Variants in PRLHR observed in about 807,000 individuals in gnomAD.
PRLHR encodes prolactin-releasing peptide receptor.
PRLHR carries 10 observed loss-of-function variants against 9.3 expected under a neutral mutation model. That is an observed-to-expected ratio of 1.08 (90% CI 0.66 to 1.82). The LOEUF is 1.82. Ranked by LOEUF, PRLHR falls within the 40% of genes most tolerant of loss-of-function variation. PRLHR has a pLI of 0.00. For synonymous variants in PRLHR, 261 were observed against 249.3 expected (o/e 1.05, Z -0.44); for missense variants, 589 against 512.0 (o/e 1.15, Z -1.45).
rs1466084843 is a variant in PRLHR, at chr10:118,592,860, A to T, written c.*1272T>A. On this transcript the variant is annotated 3_prime_UTR_variant, in exon 2 of 2. Transcript: ENST00000239032. Reference sequence around the variant, plus strand: ...CTGGGAACACAGAGGCTGATCTGACAGCTGGATATTATGTATCATTTCCCA... The same window carrying T: ...CTGGGAACACAGAGGCTGATCTGACTGCTGGATATTATGTATCATTTCCCA... The T allele has an allele frequency of 6.6e-6, 1 of 152,232 alleles. No homozygotes were observed. Among genetic ancestry groups the T allele is most frequent in the Non-Finnish European group, 1.5e-5 (1 of 68,042 alleles). 9.4% of individuals were successfully genotyped at this position (152,232 alleles called of 1,614,324 possible).
At chr10:118,595,434 A>C (rs761450687) in intron 1 of PRLHR, 82 bp downstream of exon 1, 18 of 496,540 alleles carry the variant, frequency 3.6e-5, no homozygotes, top group Non-Finnish European at 5.5e-5. Flanking sequence ...GCACGGTTAG[A>C]ACATACGGTT....
In PRLHR at chr10:118,595,073, G is replaced by T. The variant is rs756891805; in HGVS notation, c.172C>A (p.Gln58Lys). The change falls in exon 2 of 2, where the codon CAG (glutamine) becomes AAG (lysine). Residue 58 changes from glutamine to lysine, a missense_variant. Gln to Lys is a moderately conservative substitution (Grantham distance 53). Coordinates refer to ENST00000239032, the MANE Select transcript of PRLHR (RefSeq NM_004248.3). Reference sequence around the variant, plus strand: ...AGCAGCACGATCAGCCCCTTCAGCTGATGCACCAGCTGCAGGCTCTGGAAG... The same window carrying T: ...AGCAGCACGATCAGCCCCTTCAGCTTATGCACCAGCTGCAGGCTCTGGAAG... ...TPFQSLQLVH[Q>K]LKGLIVLLYS... The T allele has an allele frequency of 1.9e-6, 3 of 1,605,804 alleles. No individual in the cohort carries two copies. Among genetic ancestry groups the T allele is most frequent in the Non-Finnish European group, 2.6e-6 (3 of 1,174,676 alleles).
In PRLHR at chr10:118,593,493, G is replaced by A. The variant is rs1056973643; in HGVS notation, c.*639C>T. ...TGGGGAGGAAAGGGGAGAAACAATA[G>A]CAAGACCTTTCTAAAGGGAGCTTGT... On this transcript the variant is annotated 3_prime_UTR_variant, in exon 2 of 2. Transcript: ENST00000239032. The A allele has an allele frequency of 3.9e-5, 6 of 152,144 alleles. No individual in the cohort carries two copies. The highest frequency in any genetic ancestry group is 3.9e-4 in the Admixed American group (6 of 15,270). 9.4% of individuals were successfully genotyped at this position (152,144 alleles called of 1,614,324 possible).
Position 118,593,873 on chromosome 10 carries a change from AAAG to A in PRLHR, c.*256_*258del, listed in dbSNP as rs1844454104. ...AGTTTTGTTTGTCCTTCAAGGGCAT[AAAG>A]AAGAAATAAGAAATCCTCTTCCCTC... On this transcript the variant is annotated 3_prime_UTR_variant, in exon 2 of 2. Transcript: ENST00000239032. The A allele has an allele frequency of 2.3e-6, 1 of 428,592 alleles. No homozygotes were observed. The highest frequency in any genetic ancestry group is 3.7e-6 in the Non-Finnish European group (1 of 273,960). 26.5% of individuals were successfully genotyped at this position (428,592 alleles called of 1,614,324 possible).
Position 118,595,232 on chromosome 10 carries a change from T to A in PRLHR, c.13A>T (p.Thr5Ser). 1.3e-6 allele frequency: 2 copies of A among 1,531,350 alleles called. No homozygotes were observed. The highest frequency in any genetic ancestry group is 3.5e-4 in the Middle Eastern group (2 of 5,704). The allele number at this position is 1,531,350 out of a possible 1,614,324, so 94.9% of individuals were successfully genotyped here. ...TCAGAAACCCTGGGGCCCCGAGTGG[T>A]CGATGAGGCCATGGCCACCTGTTCA... MASS[T>S]TRGPRVSDLF... is the part of the protein sequence containing the mutation. Residue 5 changes from threonine to serine, a missense_variant, in exon 2 of 2, where the codon ACC (threonine) becomes TCC (serine). Transcript: ENST00000239032.
chr10:118,592,256 C>G lies in PRLHR; in HGVS notation c.*1876G>C, dbSNP rs1844439027. ...TCCCCAAATAATCCCTCTCCTTCCC[C>G]TCTACCATCTACACTCTCCACACAT... On this transcript the variant is annotated 3_prime_UTR_variant, in exon 2 of 2. Transcript: ENST00000239032. The G allele has an allele frequency of 6.6e-6, 1 of 152,170 alleles. No homozygotes were observed. Among genetic ancestry groups the G allele is most frequent in the African/African-American group, 2.4e-5 (1 of 41,420 alleles). The allele number at this position is 152,170 out of a possible 1,614,324, so 9.4% of individuals were successfully genotyped here.
chr10:118,590,614 G>A lies in PRLHR; in HGVS notation c.*3518C>T, dbSNP rs1462347483. On this transcript the variant is annotated 3_prime_UTR_variant, in exon 2 of 2. Transcript: ENST00000239032. ...AAGTACCAAGTTGGCTCAGTTCCCAGCCTGACTGCCTGTATTACTCCTTGC... is the reference window on the plus strand; with the variant it reads ...AAGTACCAAGTTGGCTCAGTTCCCAACCTGACTGCCTGTATTACTCCTTGC... 1 of 152,214 alleles carries A rather than the reference G, an allele frequency of 6.6e-6. No homozygotes were observed. Among genetic ancestry groups the A allele is most frequent in the Non-Finnish European group, 1.5e-5 (1 of 68,048 alleles). 9.4% of individuals were successfully genotyped at this position (152,214 alleles called of 1,614,324 possible).
chr10:118,593,319 C>T lies in PRLHR; in HGVS notation c.*813G>A, dbSNP rs1441358046. The T allele has an allele frequency of 6.6e-6, 1 of 152,250 alleles. No individual in the cohort carries two copies. The highest frequency in any genetic ancestry group is 1.9e-4 in the East Asian group (1 of 5,204). The allele number at this position is 152,250 out of a possible 1,614,324, so 9.4% of individuals were successfully genotyped here. A position where few individuals can be genotyped will look rare whatever the true frequency, so the allele number is the denominator to read the frequency against. ...GTGGCAAACACTGAATGTGTACCCA[C>T]ACATACACACACATACACAAACACA... On this transcript the variant is annotated 3_prime_UTR_variant, in exon 2 of 2. Transcript: ENST00000239032.
chr10:118,594,706 A>C lies in PRLHR; in HGVS notation c.539T>G (p.Val180Gly), dbSNP rs1844471324. 1.3e-6 allele frequency: 2 copies of C among 1,597,152 alleles called. No individual in the cohort carries two copies. The highest frequency in any genetic ancestry group is 3.4e-5 in the Admixed American group (2 of 59,176). Residue 180 changes from valine (V) to glycine (G), a missense_variant, in exon 2 of 2, where the codon GTG (valine) becomes GGG (glycine). By Grantham distance (109) the Val-to-Gly change is moderately radical. Coordinates refer to ENST00000239032, the MANE Select transcript of PRLHR (RefSeq NM_004248.3). ...CGCGGACAGCGCCCAGATGGCCAGC[A>C]CAGCGTAGGCGCTGAGGCGCAGCGA... ...RISLRLSAYA[V>G]LAIWALSAVL...
rs1428153921 is a variant in PRLHR, at chr10:118,594,815, T to C, written c.430A>G (p.Thr144Ala). The C allele has an allele frequency of 3.1e-6, 5 of 1,612,650 alleles. No individual in the cohort carries two copies. Among genetic ancestry groups the C allele is most frequent in the Admixed American group, 3.3e-5 (2 of 59,992 alleles). Residue 144 changes from threonine (T) to alanine (A), a missense_variant, in exon 2 of 2, where the codon ACC (threonine) becomes GCC (alanine). Thr to Ala is a moderately conservative substitution (Grantham distance 58). Transcript: ENST00000239032. Reference protein sequence around the residue: ...CHLVFFLQPVTVYVSVFTLTT... With the variant: ...CHLVFFLQPVAVYVSVFTLTT... Reference sequence around the variant, plus strand: ...AGCGTGAACACCGACACATAGACGGTGACCGGCTGCAGGAAGAAGACCAGG... The same window carrying C: ...AGCGTGAACACCGACACATAGACGGCGACCGGCTGCAGGAAGAAGACCAGG...
Position 118,593,847 on chromosome 10 carries a change from A to G in PRLHR, c.*285T>C. ...AAATACTTTTCTGAACGTGGAGAAA[A>G]AGTTTTGTTTGTCCTTCAAGGGCAT... On this transcript the variant is annotated 3_prime_UTR_variant, in exon 2 of 2. Transcript: ENST00000239032. 3.2e-6 allele frequency: 1 copy of G among 308,830 alleles called. No homozygotes were observed. 19.1% of individuals were successfully genotyped at this position (308,830 alleles called of 1,614,324 possible).
Position 118,594,581 on chromosome 10 carries a change from G to T in PRLHR, c.664C>A (p.Arg222Ser), listed in dbSNP as rs866387053. The change falls in exon 2 of 2, where the codon CGC (arginine) becomes AGC (serine). Residue 222 changes from arginine to serine, a missense_variant. Transcript: ENST00000239032. Reference protein sequence around the residue: ...EEFWGSQERQRQLYAWGLLLV... With the variant: ...EEFWGSQERQSQLYAWGLLLV... ...AGCAGCCCCCAGGCGTAGAGCTGGC[G>T]CTGGCGCTCCTGGGAGCCCCAGAAC... The T allele has an allele frequency of 1.6e-5, 25 of 1,558,870 alleles. No individual in the cohort carries two copies. Among genetic ancestry groups the T allele is most frequent in the Non-Finnish European group, 2.1e-5 (24 of 1,151,786 alleles).
Position 118,595,250 on chromosome 10 carries a change from C to T in PRLHR, c.-6G>A. On this transcript the variant is annotated splice_region_variant and 5_prime_UTR_variant, in exon 2 of 2. It adds an upstream start codon to the 5' untranslated region. Coordinates refer to ENST00000239032, the MANE Select transcript of PRLHR (RefSeq NM_004248.3). The stretch of plus-strand genomic sequence containing the variant: ...CGAGTGGTCGATGAGGCCATGGCCA[C>T]CTGTTCAAAGGTAATCAAAGTCCGT... 6.6e-7 allele frequency: 1 copy of T among 1,517,448 alleles called. No homozygotes were observed. The highest frequency in any genetic ancestry group is 8.8e-7 in the Non-Finnish European group (1 of 1,138,210). 94.0% of individuals were successfully genotyped at this position (1,517,448 alleles called of 1,614,324 possible). A position where few individuals can be genotyped will look rare whatever the true frequency, so the allele number is the denominator to read the frequency against.
Position 118,590,765 on chromosome 10 carries a change from G to C in PRLHR, c.*3367C>G, listed in dbSNP as rs182291773. ...CTCACCTCTGATTTTTTTGAAATTCGGTTTGATTTATAAACTAGTCCACAA... is the reference window on the plus strand; with the variant it reads ...CTCACCTCTGATTTTTTTGAAATTCCGTTTGATTTATAAACTAGTCCACAA... On this transcript the variant is annotated 3_prime_UTR_variant, in exon 2 of 2. Transcript: ENST00000239032. 1.3e-5 allele frequency: 2 copies of C among 152,070 alleles called. No homozygotes were observed. The highest frequency in any genetic ancestry group is 1.5e-5 in the Non-Finnish European group (1 of 68,012). The allele number at this position is 152,070 out of a possible 1,614,324, so 9.4% of individuals were successfully genotyped here.
rs765323587 is a variant in PRLHR, at chr10:118,594,911, C to A, written c.334G>T (p.Ala112Ser). Residue 112 changes from alanine (A) to serine (S), a missense_variant, in exon 2 of 2, where the codon GCC becomes TCC. By Grantham distance (99) the Ala-to-Ser change is moderately conservative. Coordinates refer to ENST00000239032, the MANE Select transcript of PRLHR (RefSeq NM_004248.3). ...TAGGCCAGCGTGAGCGGCACGCAGG[C>A]GGTGCACATGAGCACGTCGGACAAG... ...LALSDVLMCT[A>S]CVPLTLAYAF... is the part of the protein sequence containing the mutation. 12 of 1,613,530 alleles carry A rather than the reference C, an allele frequency of 7.4e-6. No homozygotes were observed. The highest frequency in any genetic ancestry group is 1.1e-5 in the South Asian group (1 of 91,070).
In PRLHR at chr10:118,594,424, C is replaced by T. The variant is rs747063484; in HGVS notation, c.821G>A (p.Arg274Gln). ...SQADWDRARR[R>Q]RTFCLLVVIV... The stretch of plus-strand genomic sequence containing the variant: ...CACCACCAGCAAGCAGAAGGTGCGC[C>T]GGCGCCGAGCGCGGTCCCAGTCGGC... Residue 274 changes from arginine (R) to glutamine (Q), a missense_variant, in exon 2 of 2, where the codon CGG (arginine) becomes CAG (glutamine). Transcript: ENST00000239032. 6.2e-7 allele frequency: 1 copy of T among 1,600,444 alleles called. No homozygotes were observed. The highest frequency in any genetic ancestry group is 8.5e-7 in the Non-Finnish European group (1 of 1,179,420).
At position 118,593,022 on chromosome 10, in the gene PRLHR, C is replaced by T. The variant is rs1023062839; in HGVS notation, c.*1110G>A. On this transcript the variant is annotated 3_prime_UTR_variant, in exon 2 of 2. Transcript: ENST00000239032. ...GCCTGGTATCATGCTCCACAGTCTT[C>T]ACCTTTTCCCTTAACCCTGGAGGTA... 9.9e-5 allele frequency: 15 copies of T among 152,258 alleles called. 1 individual carries two copies. Among genetic ancestry groups the T allele is most frequent in the Admixed American group, 7.9e-4 (12 of 15,282 alleles). The allele number at this position is 152,258 out of a possible 1,614,324, so 9.4% of individuals were successfully genotyped here.
Position 118,594,227 on chromosome 10 carries a change from C to G in PRLHR, c.1018G>C (p.Asp340His), listed in dbSNP as rs756981778. ...YNPFIYAWLH[D>H]SFREELRKLL... ...TTGCGCAGCTCCTCGCGGAAGCTGT[C>G]GTGCAGCCAGGCGTAGATGAAGGGG... is the stretch of plus-strand genomic sequence containing the variant. The change falls in exon 2 of 2, where the codon GAC (aspartate) becomes CAC (histidine). Residue 340 changes from aspartate to histidine, a missense_variant. Coordinates refer to ENST00000239032, the MANE Select transcript of PRLHR (RefSeq NM_004248.3). 2.5e-6 allele frequency: 4 copies of G among 1,595,108 alleles called. No homozygotes were observed. Among genetic ancestry groups the G allele is most frequent in the Non-Finnish European group, 2.6e-6 (3 of 1,171,208 alleles).
rs1452492074 is a variant in PRLHR at position 118,591,735 on chromosome 10, A to G, written c.*2397T>C. 1 of 119,480 alleles carries G rather than the reference A, an allele frequency of 8.4e-6. No individual in the cohort carries two copies. The highest frequency in any genetic ancestry group is 3.3e-5 in the African/African-American group (1 of 30,740). The allele number at this position is 119,480 out of a possible 1,614,324, so 7.4% of individuals were successfully genotyped here. A position where few individuals can be genotyped will look rare whatever the true frequency, so the allele number is the denominator to read the frequency against. On this transcript the variant is annotated 3_prime_UTR_variant, in exon 2 of 2. Coordinates refer to ENST00000239032, the MANE Select transcript of PRLHR (RefSeq NM_004248.3). ...CCCCGAGATGGAGTCTTGTTCTGTC[A>G]CCCAGGTTGGAGTACACTGGCACAA...
Sources: allele counts gnomAD v4.1 joint callset, GRCh38; gene constraint gnomAD v4.1.1; transcripts MANE v1.5; gene names NCBI Gene and HGNC (gene_info 2026-07-23, HGNC 2026-07-21).